The following TRHDE variants were observed in gnomAD, a reference collection of about 807,000 sequenced individuals.
The protein encoded by TRHDE is thyrotropin-releasing hormone-degrading ectoenzyme.
In TRHDE, 72 loss-of-function variants were observed where a neutral mutation model predicts 125.7. The observed-to-expected ratio is 0.57, with a 90% CI of 0.47 to 0.70. TRHDE has a LOEUF of 0.70. Among genes scored for constraint, TRHDE ranks in the 30% least tolerant of loss-of-function variants. TRHDE has a pLI of 0.00. For synonymous variants in TRHDE, 509 were observed against 509.1 expected, an observed-to-expected ratio of 1.00 and a Z score of 0.00; for missense variants, 1,110 against 1,327.1, an observed-to-expected ratio of 0.84 and a Z score of 2.54.
At chr12:72,497,714 T>C (rs371076209) in intron 5 of TRHDE, among the ~76,000 whole-genome samples, 29 of 152,290 alleles carry the variant, frequency 1.9e-4, no homozygotes, top group African/African-American at 7.0e-4. Flanking sequence ...AGGTCGTATA[T>C]GTGCTTAAAA....
intron 3 of TRHDE, among the ~76,000 whole-genome samples, chr12:72,446,150 C>CTTTT (rs34777250): frequency 3.0e-4 from 40 of 133,274 alleles, no homozygotes; most frequent in South Asian, 9.8e-4. Context: ...TTGTGCATTT[C>CTTTT]TTTTTTTTTT....
chr12:72,100,985 A>AC (rs1222957277), intron 1 of TRHDE, among the ~76,000 whole-genome samples: 2 of 152,200 alleles, frequency 1.3e-5, no homozygotes, highest in African/African-American at 4.8e-5. Context: ...CATGCGATGT[A>AC]CCCAAATTCA....
At chr12:72,494,730 T>C (rs1265806198) in intron 5 of TRHDE, among the ~76,000 whole-genome samples, 3 of 152,104 alleles carry the variant, frequency 2.0e-5, no homozygotes, top group African/African-American at 7.2e-5. Flanking sequence ...GTGTGCCTAA[T>C]GCTGTGATAA....
intron 2 of TRHDE, among the ~76,000 whole-genome samples, chr12:72,368,802 A>C (rs1871448231): frequency 6.6e-6 from 1 of 152,174 alleles, no homozygotes; most frequent in African/African-American, 2.4e-5. Flanking sequence ...ATTCAAATCT[A>C]TCTGAAGTTC....
intron 3 of TRHDE, among the ~76,000 whole-genome samples, chr12:72,404,724 C>G (rs1051022613): frequency 6.6e-6 from 1 of 152,170 alleles, no homozygotes; most frequent in African/African-American, 2.4e-5. Context: ...CCATCAGGTC[C>G]TTCTCACCAC....
At chr12:72,603,750 AAAC>A (rs1034070190) in intron 12 of TRHDE, among the ~76,000 whole-genome samples, 21 of 145,886 alleles carry the variant, frequency 1.4e-4, no homozygotes, top group African/African-American at 4.8e-4. Context: ...AAACAAAACA[AAAC>A]AACAACAACA....
chr12:72,178,416 C>CT (rs1049069118), intron 2 of TRHDE, among the ~76,000 whole-genome samples: 27 of 152,044 alleles, frequency 1.8e-4, no homozygotes, highest in Admixed American at 6.5e-5. Flanking sequence ...GTTTAGAACT[C>CT]TTAAGAACTG....
chr12:72,540,190 T>C (rs1011572770), intron 6 of TRHDE, among the ~76,000 whole-genome samples: 21 of 151,842 alleles, frequency 1.4e-4, no homozygotes, highest in African/African-American at 4.1e-4. Flanking sequence ...AAGAAAAGGC[T>C]AGTTAAACAT....
chr12:72,346,333 G>A (rs976882875), intron 2 of TRHDE, among the ~76,000 whole-genome samples: 14 of 152,036 alleles, frequency 9.2e-5, no homozygotes, highest in African/African-American at 1.7e-4. Flanking sequence ...ACTCAGGTCC[G>A]TCATTAATGG....
chr12:72,104,806 TC>T (rs2139291325), intron 1 of TRHDE, among the ~76,000 whole-genome samples: 1 of 152,280 alleles, frequency 6.6e-6, no homozygotes, highest in African/African-American at 2.4e-5. Flanking sequence ...CATATGTAAC[TC>T]AATAGCCAAG....
intron 3 of TRHDE, among the ~76,000 whole-genome samples, chr12:72,393,076 A>G (rs1373579343): frequency 2.0e-5 from 3 of 152,176 alleles, no homozygotes; most frequent in South Asian, 2.1e-4. Flanking sequence ...TTGTATATTT[A>G]TATTCAATAT....
intron 2 of TRHDE, among the ~76,000 whole-genome samples, chr12:72,238,308 A>ACATATATATATACACAT (rs1261875542): frequency 5.7e-5 from 2 of 34,880 alleles, no homozygotes; most frequent in African/African-American, 2.0e-4. Context: ...ATATATATAT[A>ACATATATATATACACAT]TATATATATA....
At chr12:72,168,279 C>G (rs1238127595) in intron 2 of TRHDE, among the ~76,000 whole-genome samples, 1 of 152,156 alleles carries the variant, frequency 6.6e-6, no homozygotes, top group African/African-American at 2.4e-5. Flanking sequence ...TTTTCAGGCT[C>G]TCTTGCAGCT....
At chr12:72,436,453 C>G (rs1409642146) in intron 3 of TRHDE, among the ~76,000 whole-genome samples, 1 of 151,620 alleles carries the variant, frequency 6.6e-6, no homozygotes, top group Non-Finnish European at 1.5e-5. Context: ...TTTAGATGTT[C>G]TTCATATAAA....
In TRHDE at chr12:72,629,586, T is replaced by C. The variant is rs1592582566; in HGVS notation, c.2675+7835T>C. On this transcript the variant is annotated intron_variant, in intron 15 of 18. Coordinates refer to ENST00000261180, the MANE Select transcript of TRHDE (RefSeq NM_013381.3). ...CATGGGCAACTAAGAACAACGCTTA[T>C]TAAACTTATAATAATAAGCATTATT... 2.0e-5 allele frequency among the ~76,000 whole-genome samples: 3 copies of C among 151,814 alleles called. No individual in the cohort carries two copies. In the East Asian group the frequency reaches 5.8e-4, roughly 30 times the overall value.
At chr12:72,196,164 C>T (rs572251917) in intron 2 of TRHDE, among the ~76,000 whole-genome samples, 36 of 152,052 alleles carry the variant, frequency 2.4e-4, no homozygotes, top group Non-Finnish European at 3.8e-4. Context: ...AATGTGATGC[C>T]TCTCACTTTG....
intron 2 of TRHDE, among the ~76,000 whole-genome samples, chr12:72,158,008 C>T (rs960168990): frequency 3.9e-5 from 6 of 152,098 alleles, no homozygotes; most frequent in South Asian, 2.1e-4. Flanking sequence ...GAAAAGGGCA[C>T]GATCAGTGTG....
At chr12:72,451,671 T>C (rs926138817) in intron 3 of TRHDE, among the ~76,000 whole-genome samples, 2 of 152,106 alleles carry the variant, frequency 1.3e-5, no homozygotes, top group African/African-American at 4.8e-5. Context: ...TTTTCCTGTT[T>C]GTGCAAAAAA....
Position 72,539,495 on chromosome 12 carries a change from C to G in TRHDE, c.1723-2796C>G, listed in dbSNP as rs185250917. On this transcript the variant is annotated intron_variant, in intron 6 of 18. Transcript: ENST00000261180. Reference sequence around the variant, plus strand: ...TTTTCTCTTTCTCTGTTATCCATGTCTTACATTAAGGGAGCACCTCCTCTG... The same window carrying G: ...TTTTCTCTTTCTCTGTTATCCATGTGTTACATTAAGGGAGCACCTCCTCTG... 1.3e-3 allele frequency among the ~76,000 whole-genome samples: 193 copies of G among 151,980 alleles called. 1 individual carries two copies. Among genetic ancestry groups the G allele is most frequent in the African/African-American group, 4.4e-3 (183 of 41,518 alleles).
Sources: allele counts gnomAD v4.1 joint callset (sites outside exome capture counted in the v4.1 genomes callset), GRCh38; gene constraint gnomAD v4.1.1; transcripts MANE v1.5; gene names NCBI Gene and HGNC (gene_info 2026-07-23, HGNC 2026-07-21).